URI1: variants seen among roughly 807,000 people sequenced by gnomAD.
The protein encoded by URI1 is URI1 prefoldin like chaperone, also known as unconventional prefoldin RPB5 interactor 1.
A neutral mutation model predicts 60.2 loss-of-function variants in URI1; 39 were observed. That is an observed-to-expected ratio of 0.65 (90% CI 0.50 to 0.85). The LOEUF (loss-of-function observed/expected upper bound fraction) is 0.85. Ranked by LOEUF, URI1 falls within the 40% of genes least tolerant of loss-of-function variation. The pLI, the probability that URI1 is intolerant of heterozygous loss-of-function variation, is 0.00. For synonymous variants in URI1, 251 were observed against 236.8 expected, an observed-to-expected ratio of 1.06 and a Z score of -0.55; for missense variants, 691 against 665.9, an observed-to-expected ratio of 1.04 and a Z score of -0.42.
chr19:29,968,399 GCTCGCTGCCTTATGGTTACTT>G (rs1486821930), intron 1 of URI1, among the ~76,000 whole-genome samples: 1 of 151,884 alleles, frequency 6.6e-6, no homozygotes, highest in Non-Finnish European at 1.5e-5. Context: ...GTAGAACAAG[GCTCGCTGCCTTATGGTTACTT>G]TTAAAATTTA....
chr19:29,999,980 C>CTTT (rs11395656), intron 4 of URI1, among the ~76,000 whole-genome samples: 1 of 146,992 alleles, frequency 6.8e-6, no homozygotes, highest in Non-Finnish European at 1.5e-5. Context: ...TTGTTTACTT[C>CTTT]TTTTTTTTTT....
intron 1 of URI1, among the ~76,000 whole-genome samples, chr19:29,933,655 T>C (rs1331630508): frequency 6.6e-6 from 1 of 151,826 alleles, no homozygotes; most frequent in Non-Finnish European, 1.5e-5. Flanking sequence ...ACCCTATCTC[T>C]ACTAAAATAC....
At chr19:29,929,047 CAT>C (rs2145192991) in intron 1 of URI1, among the ~76,000 whole-genome samples, 1 of 152,310 alleles carries the variant, frequency 6.6e-6, no homozygotes, top group South Asian at 2.1e-4. Context: ...TCACTAAACA[CAT>C]GTATACTGAA....
intron 10 of URI1, among the ~76,000 whole-genome samples, chr19:30,014,379 A>G (rs1391757723): frequency 6.6e-6 from 1 of 152,198 alleles, no homozygotes; most frequent in Non-Finnish European, 1.5e-5. Context: ...TATGCAGTAA[A>G]ATATTTAAAT....
At chr19:29,968,182 A>G (rs2055412546) in intron 1 of URI1, among the ~76,000 whole-genome samples, 1 of 152,230 alleles carries the variant, frequency 6.6e-6, no homozygotes, top group African/African-American at 2.4e-5. Flanking sequence ...CAGGTATTTT[A>G]AAGTTGAAGC....
chr19:29,972,167 A>G (rs2055468299), intron 2 of URI1, among the ~76,000 whole-genome samples: 1 of 152,098 alleles, frequency 6.6e-6, no homozygotes, highest in South Asian at 2.1e-4. Flanking sequence ...AATTGGTGCA[A>G]TCTGTACACA....
chr19:29,974,318 G>C (rs1347309636), intron 2 of URI1, among the ~76,000 whole-genome samples: 1 of 152,028 alleles, frequency 6.6e-6, no homozygotes, highest in East Asian at 1.9e-4. Context: ...AAAAAAGCCA[G>C]TGCTTTGTAA....
At chr19:29,940,991 C>A (rs2055017657), upstream of URI1, among the ~76,000 whole-genome samples, 1 of 152,084 alleles carries the variant, frequency 6.6e-6, no homozygotes. Context: ...GTTGGATATG[C>A]AGTGAGGAAA....
chr19:29,976,693 T>G (rs1348928740), intron 2 of URI1, among the ~76,000 whole-genome samples: 1 of 152,196 alleles, frequency 6.6e-6, no homozygotes, highest in Non-Finnish European at 1.5e-5. Flanking sequence ...TGAAATGAAA[T>G]AGTACATGTG....
intron 4 of URI1, among the ~76,000 whole-genome samples, chr19:30,001,256 C>T (rs768840509): frequency 2.6e-5 from 4 of 151,848 alleles, no homozygotes; most frequent in Non-Finnish European, 5.9e-5. Context: ...TGTGCATAGG[C>T]AAGGTTTGTT....
chr19:29,992,701 C>G (rs185717), intron 4 of URI1, among the ~76,000 whole-genome samples: 2,029 of 152,120 alleles, frequency 0.013, 59 homozygotes, highest in African/African-American at 0.047. Flanking sequence ...TTCTTTTTTA[C>G]GTTAGAGAGC....
chr19:29,960,030 C>T (rs28877624), intron 1 of URI1, among the ~76,000 whole-genome samples: 2,483 of 152,176 alleles, frequency 0.016, 72 homozygotes, highest in African/African-American at 0.057. Context: ...TTTTCCTTAT[C>T]AGTCATTTAA....
chr19:29,979,937 G>A (rs570619847), intron 2 of URI1, among the ~76,000 whole-genome samples: 2 of 152,142 alleles, frequency 1.3e-5, no homozygotes, highest in Non-Finnish European at 2.9e-5. Flanking sequence ...AATTTTCCAT[G>A]AGGAGTGTTC....
rs76834219 is a variant in URI1, at chr19:29,982,467, A to G, written c.153-2756A>G. On this transcript the variant is annotated intron_variant, in intron 2 of 10. Coordinates refer to ENST00000392271, the MANE Select transcript of URI1 (RefSeq NM_003796.3). ...TAAGACTTATTGAATGGTGACTTTA[A>G]TACTAGCTTCTTAATATTCATAGAA... is the stretch of plus-strand genomic sequence containing the variant. 2.6e-3 allele frequency among the ~76,000 whole-genome samples: 392 copies of G among 152,310 alleles called. 12 individuals are homozygous for G. The East Asian group carries it at 0.062, about 24-fold the overall frequency.
At chr19:30,011,346 G>A in intron 9 of URI1, 110 bp downstream of exon 9, 2 of 1,409,528 alleles carry the variant, frequency 1.4e-6, no homozygotes, top group Middle Eastern at 1.9e-4. Context: ...TCACTGAAAA[G>A]TGAAGTGTTC....
intron 4 of URI1, among the ~76,000 whole-genome samples, chr19:29,991,743 T>TA (rs2055749378): frequency 6.6e-6 from 1 of 152,164 alleles, no homozygotes; most frequent in Non-Finnish European, 1.5e-5. Context: ...GTAGGTTTTT[T>TA]AAAAAAATTA....
intron 2 of URI1, among the ~76,000 whole-genome samples, chr19:29,984,322 A>C (rs1443473776): frequency 6.6e-6 from 1 of 152,084 alleles, no homozygotes; most frequent in African/African-American, 2.4e-5. Flanking sequence ...TCAGCTACTC[A>C]GGAGGCTAAG....
At chr19:30,005,545 T>G in intron 5 of URI1, 93 bp downstream of exon 5, 1 of 1,493,226 alleles carries the variant, frequency 6.7e-7, no homozygotes. Flanking sequence ...TTAATTGAAG[T>G]TTAAAATGCT....
chr19:29,938,070 T>G (rs755414865), upstream of URI1: 15 of 152,206 alleles, frequency 9.9e-5, no homozygotes, highest in African/African-American at 3.6e-4. Context: ...TTGGCCAGGC[T>G]GGTCTCGAAA....
Sources: allele counts gnomAD v4.1 joint callset (sites outside exome capture counted in the v4.1 genomes callset), GRCh38; gene constraint gnomAD v4.1.1; transcripts MANE v1.5; gene names NCBI Gene and HGNC (gene_info 2026-07-23, HGNC 2026-07-21).